SLC39A12: variants seen among roughly 807,000 people sequenced by gnomAD.
SLC39A12 encodes zinc transporter ZIP12.
A neutral mutation model predicts 71.1 loss-of-function variants in SLC39A12; 63 were observed. The ratio of observed to expected loss-of-function variants is 0.89; its 90% CI spans 0.72 to 1.09. The LOEUF (loss-of-function observed/expected upper bound fraction) is 1.09, where lower values mean the gene tolerates loss of function less well. Ranked by LOEUF, SLC39A12 falls within the 50% of genes least tolerant of loss-of-function variation. The probability of loss-of-function intolerance (pLI) is 0.00; values close to 1 mark genes in which losing one functional copy is unlikely to be tolerated. For synonymous variants in SLC39A12, 351 were observed against 301.3 expected (o/e 1.16, Z -1.71); for missense variants, 892 against 812.6 (o/e 1.10, Z -1.19).
intron 12 of SLC39A12, chr10:18,008,421 C>T (rs150920646): frequency 2.0e-5 from 3 of 152,128 alleles, no homozygotes; most frequent in Non-Finnish European, 4.4e-5. Context: ...AAGCTTAGGG[C>T]CCCCCACTGA....
intron 6 of SLC39A12, among the ~76,000 whole-genome samples, chr10:17,986,815 A>G (rs903539745): frequency 6.6e-6 from 1 of 152,086 alleles, no homozygotes; most frequent in Non-Finnish European, 1.5e-5. Flanking sequence ...AGACTAGCCC[A>G]GGTAATACAG....
At chr10:18,005,067 C>T (rs561758702) in intron 12 of SLC39A12, among the ~76,000 whole-genome samples, 1 of 134,808 alleles carries the variant, frequency 7.4e-6, no homozygotes. Context: ...CACACTGGGG[C>T]CTGTCGGGGG....
chr10:18,035,294 A>G (rs368959919), intron 12 of SLC39A12, among the ~76,000 whole-genome samples: 8,194 of 130,826 alleles, frequency 0.063, 392 homozygotes, highest in African/African-American at 0.17. Context: ...CCAATCAGAC[A>G]TAGATTTGGT....
At position 17,995,740 on chromosome 10, in the gene SLC39A12, CT is replaced by C; in HGVS notation, c.1600+21del. 2 of 1,603,188 alleles carry C rather than the reference CT, an allele frequency of 1.2e-6. No individual in the cohort carries two copies. Among genetic ancestry groups the C allele is most frequent in the Non-Finnish European group, 8.5e-7 (1 of 1,175,266 alleles). On this transcript the variant is annotated intron_variant, in intron 10 of 12. Transcript: ENST00000377369. ...CAGAAAATGTGAGTACCAAGCTAAA[CT>C]TTACATGTGGAAAGTGCCATAGAAA...
intron 3 of SLC39A12, among the ~76,000 whole-genome samples, chr10:17,964,639 C>T (rs1177663646): frequency 2.6e-5 from 4 of 152,266 alleles, no homozygotes; most frequent in African/African-American, 7.2e-5. Flanking sequence ...GAAAAAGGTC[C>T]TGTGTCCTCT....
intron 12 of SLC39A12, among the ~76,000 whole-genome samples, chr10:18,007,793 G>A (rs1836074010): frequency 6.6e-6 from 1 of 152,196 alleles, no homozygotes; most frequent in Admixed American, 6.5e-5. Context: ...TGCCGTTTTG[G>A]TTTTGGTGAG....
chr10:17,984,349 G>A (rs939176605), intron 6 of SLC39A12, among the ~76,000 whole-genome samples: 1 of 152,246 alleles, frequency 6.6e-6, no homozygotes, highest in Non-Finnish European at 1.5e-5. Flanking sequence ...GAAGCCCACA[G>A]AGTTGGGGTG....
chr10:17,971,778 A>C (rs1047985439), intron 4 of SLC39A12, among the ~76,000 whole-genome samples: 2 of 151,946 alleles, frequency 1.3e-5, no homozygotes, highest in Admixed American at 6.6e-5. Flanking sequence ...TTTTCACAAA[A>C]CCAACTTTTT....
chr10:17,981,582 A>G (rs758432561), intron 6 of SLC39A12, 99 bp downstream of exon 6: 1 of 927,030 alleles, frequency 1.1e-6, no homozygotes, highest in African/African-American at 1.7e-5. Flanking sequence ...TCTGTTGTAA[A>G]CATTTTACAT....
At chr10:18,026,250 C>T (rs1208247261) in intron 12 of SLC39A12, among the ~76,000 whole-genome samples, 2 of 152,140 alleles carry the variant, frequency 1.3e-5, no homozygotes, top group Non-Finnish European at 1.5e-5. Context: ...TGGCAACAAA[C>T]AAATTCCCTC....
intron 4 of SLC39A12, among the ~76,000 whole-genome samples, chr10:17,967,818 C>T (rs1398066383): frequency 1.0e-4 from 15 of 149,636 alleles, no homozygotes; most frequent in Non-Finnish European, 2.1e-4. Flanking sequence ...ACCCAGGAGG[C>T]GGAGCTGGCA....
At chr10:17,959,932 A>G (rs146529447) in intron 2 of SLC39A12, among the ~76,000 whole-genome samples, 1 of 152,300 alleles carries the variant, frequency 6.6e-6, no homozygotes, top group Non-Finnish European at 1.5e-5. Flanking sequence ...TGGACAAAAG[A>G]TGGATTAACA....
Position 17,993,257 on chromosome 10 carries a change from C to T in SLC39A12, c.1499C>T (p.Ala500Val). Residue 500 changes from alanine (A) to valine (V), a missense_variant, in exon 9 of 13, where the codon GCA (alanine) becomes GTA (valine). By Grantham distance (64) the Ala-to-Val change is moderately conservative. Transcript: ENST00000377369. ...LALNSELSDQ[A>V]GRGKSASTIQ... ...CTCAACTCTGAATTAAGTGACCAGG[C>T]AGGCAGAGGCAAATCTGCTTCAACT... The T allele has an allele frequency of 6.4e-7, 1 of 1,551,938 alleles. No homozygotes were observed. The highest frequency in any genetic ancestry group is 8.7e-7 in the Non-Finnish European group (1 of 1,146,982).
At chr10:17,979,358 G>A (rs2497831) in intron 5 of SLC39A12, among the ~76,000 whole-genome samples, 67,314 of 151,978 alleles carry the variant, frequency 0.44, 15,651 homozygotes, top group East Asian at 0.62. Context: ...TCTCTGAGAA[G>A]GTATTGTAAA....
intron 4 of SLC39A12, 70 bp from the exon 5 acceptor site, chr10:17,977,832 C>T (rs1835148413): frequency 5.4e-6 from 6 of 1,115,306 alleles, no homozygotes; most frequent in Non-Finnish European, 6.1e-6. Flanking sequence ...TATGCTGTAG[C>T]TATGTGAAAT....
intron 12 of SLC39A12, among the ~76,000 whole-genome samples, chr10:18,030,996 C>T (rs1166272122): frequency 2.0e-5 from 3 of 151,862 alleles, no homozygotes; most frequent in Non-Finnish European, 4.4e-5. Flanking sequence ...TTTATGGCTG[C>T]ATAGTATTCC....
intron 4 of SLC39A12, among the ~76,000 whole-genome samples, chr10:17,972,937 A>C (rs1589225465): frequency 6.6e-6 from 1 of 151,808 alleles, no homozygotes; most frequent in Non-Finnish European, 1.5e-5. Context: ...TCCTTTAGTG[A>C]AGGTGATTTT....
intron 12 of SLC39A12, among the ~76,000 whole-genome samples, chr10:18,034,570 C>T (rs568839757): frequency 0.011 from 1,635 of 150,658 alleles, 21 homozygotes; most frequent in South Asian, 0.014. Context: ...TTCCTGAATA[C>T]AGCACACTGA....
At chr10:17,957,999 A>T (rs1343640935) in intron 2 of SLC39A12, among the ~76,000 whole-genome samples, 5 of 152,218 alleles carry the variant, frequency 3.3e-5, no homozygotes, top group Non-Finnish European at 7.3e-5. Flanking sequence ...ACAAAAGAAG[A>T]TGCTTCTACA....
Sources: allele counts gnomAD v4.1 joint callset (sites outside exome capture counted in the v4.1 genomes callset), GRCh38; gene constraint gnomAD v4.1.1; transcripts MANE v1.5; gene names NCBI Gene and HGNC (gene_info 2026-07-23, HGNC 2026-07-21).